Variants in ARHGAP39 observed in about 807,000 individuals in gnomAD.
ARHGAP39 encodes the protein Rho GTPase activating protein 39, also known as rho GTPase-activating protein 39.
Under a neutral mutation model 106.9 loss-of-function variants are expected in ARHGAP39, and 44 were observed. The ratio of observed to expected loss-of-function variants is 0.41; its 90% CI spans 0.32 to 0.53. The LOEUF (loss-of-function observed/expected upper bound fraction) is 0.53, where lower values mean the gene tolerates loss of function less well. Ranked by LOEUF, ARHGAP39 falls within the 20% of genes least tolerant of loss-of-function variation. ARHGAP39 has a pLI of 0.21. For missense variants in ARHGAP39, 1,496 were observed against 1,577.3 expected (o/e 0.95, Z 0.87); for synonymous variants, 768 against 693.2 (o/e 1.11, Z -1.69).
At chr8:144,666,442 C>T (rs2129706685) in intron 1 of ARHGAP39, among the ~76,000 whole-genome samples, 1 of 152,156 alleles carries the variant, frequency 6.6e-6, no homozygotes, top group Non-Finnish European at 1.5e-5. Flanking sequence ...TTGGCTGTGT[C>T]CCCACCTAAA....
At chr8:144,619,928 G>C (rs1470809145) in intron 1 of ARHGAP39, among the ~76,000 whole-genome samples, 1 of 149,846 alleles carries the variant, frequency 6.7e-6, no homozygotes, top group African/African-American at 2.5e-5. Flanking sequence ...GTGTGCGTGT[G>C]AGCCTGTGTC....
chr8:144,602,246 TGTG>T (rs1295444258), intron 2 of ARHGAP39, among the ~76,000 whole-genome samples: 8 of 106,960 alleles, frequency 7.5e-5, no homozygotes, highest in African/African-American at 2.6e-4. Flanking sequence ...TGCGTGGAGG[TGTG>T]TGTGTGAGCT....
In ARHGAP39 at chr8:144,555,579, C is replaced by T. The variant is rs758673314; in HGVS notation, c.577G>A (p.Gly193Ser). Residue 193 changes from glycine to serine, a missense_variant, in exon 4 of 12, where the codon GGC becomes AGC. Physicochemically the swap from Gly to Ser is moderately conservative, Grantham distance 56. Coordinates refer to ENST00000377307, the MANE Select transcript of ARHGAP39 (RefSeq NM_025251.3). ...YEIYRDYSADGQLLHYRTSSL... is the reference protein window; with the variant it reads ...YEIYRDYSADSQLLHYRTSSL... ...TTCTACCTGTAGTGAAGAAGCTGGC[C>T]GTCCGCACTGTAATCCCGGTAAATC... 18 of 1,613,898 alleles carry T rather than the reference C, an allele frequency of 1.1e-5. No homozygotes were observed. The highest frequency in any genetic ancestry group is 6.6e-5 in the South Asian group (6 of 91,086).
intron 4 of ARHGAP39, among the ~76,000 whole-genome samples, chr8:144,551,500 C>T (rs1012146763): frequency 6.6e-6 from 1 of 152,148 alleles, no homozygotes; most frequent in African/African-American, 2.4e-5. Context: ...GGGGAAGCCC[C>T]GAGAGGCCCA....
At chr8:144,557,794 G>A (rs1818001544) in intron 3 of ARHGAP39, among the ~76,000 whole-genome samples, 1 of 152,274 alleles carries the variant, frequency 6.6e-6, no homozygotes, top group African/African-American at 2.4e-5. Flanking sequence ...AGTGGCAAAA[G>A]GCTGAAAGCA....
At chr8:144,628,110 T>C (rs553669347) in intron 1 of ARHGAP39, among the ~76,000 whole-genome samples, 5 of 152,278 alleles carry the variant, frequency 3.3e-5, no homozygotes, top group South Asian at 4.1e-4. Flanking sequence ...TCAGGGTATT[T>C]TGACACAAAC....
At chr8:144,677,010 C>T (rs1194994480) in intron 1 of ARHGAP39, among the ~76,000 whole-genome samples, 3 of 152,240 alleles carry the variant, frequency 2.0e-5, no homozygotes, top group Non-Finnish European at 2.9e-5. Flanking sequence ...CCTCATGATC[C>T]GCCCGCCTGG....
intron 1 of ARHGAP39, among the ~76,000 whole-genome samples, chr8:144,666,103 T>G (rs2129705395): frequency 6.6e-6 from 1 of 152,296 alleles, no homozygotes; most frequent in Middle Eastern, 3.4e-3. Context: ...GGAGATCACT[T>G]TGAGCTTTAA....
rs562914508 is a variant in ARHGAP39 at position 144,540,675 on chromosome 8, C to CT, written c.2522-2863dup. Among the ~76,000 whole-genome samples the CT allele has an allele frequency of 5.3e-5, 8 of 152,148 alleles. No homozygotes were observed. In the East Asian group the frequency reaches 1.4e-3, roughly 26 times the overall value. On this transcript the variant is annotated intron_variant, in intron 6 of 11. Coordinates refer to ENST00000377307, the MANE Select transcript of ARHGAP39 (RefSeq NM_025251.3). ...AAAAATTAGCTGGGCTTGGTAGTGC[C>CT]TGTGGCCCCAGCTACTCGGGAGGCT...
chr8:144,607,150 G>A (rs1820322232), intron 1 of ARHGAP39, among the ~76,000 whole-genome samples: 1 of 150,584 alleles, frequency 6.6e-6, no homozygotes, highest in South Asian at 2.1e-4. Context: ...GTGGAGCGTG[G>A]CTATGGTCCC....
chr8:144,652,416 C>T (rs1821596818), intron 1 of ARHGAP39, among the ~76,000 whole-genome samples: 1 of 152,066 alleles, frequency 6.6e-6, no homozygotes, highest in Non-Finnish European at 1.5e-5. Flanking sequence ...TGGGTATACA[C>T]CCAGAGAAAT....
At chr8:144,622,685 G>C (rs541852063) in intron 1 of ARHGAP39, among the ~76,000 whole-genome samples, 8 of 152,316 alleles carry the variant, frequency 5.3e-5, no homozygotes, top group Non-Finnish European at 1.0e-4. Context: ...TTACTACCAG[G>C]TAAGATATAT....
At chr8:144,533,011 A>C in intron 9 of ARHGAP39, 115 bp downstream of exon 9, 1 of 1,259,980 alleles carries the variant, frequency 7.9e-7, no homozygotes, top group African/African-American at 1.5e-5. Context: ...GCTCTCAGGT[A>C]TGGGTGCGGA....
Position 144,641,326 on chromosome 8 carries a change from G to A in ARHGAP39, c.-81-35631C>T. ...TATGGAATGAAAATTAACTCTTTAT[G>A]TTGTATAACTGGCTGCTACAATCTG... On this transcript the variant is annotated intron_variant, in intron 1 of 11. Transcript: ENST00000377307. This position sits in a 1 kb window ranked among gnomAD's most constrained non-coding sequence, Gnocchi z 5.2. Among the ~76,000 whole-genome samples, 1 of 152,110 alleles carries A rather than the reference G, an allele frequency of 6.6e-6. No individual in the cohort carries two copies. The highest frequency in any genetic ancestry group is 1.9e-4 in the East Asian group (1 of 5,186).
chr8:144,673,993 A>G (rs1247956800), intron 1 of ARHGAP39, among the ~76,000 whole-genome samples: 19 of 152,182 alleles, frequency 1.2e-4, no homozygotes, highest in Admixed American at 1.2e-3. Flanking sequence ...TGGCATCCAG[A>G]AGCTTGGAGA....
intron 10 of ARHGAP39, 132 bp from the exon 11 acceptor site, chr8:144,531,003 G>A (rs1349955242): frequency 6.6e-6 from 8 of 1,217,196 alleles, no homozygotes; most frequent in East Asian, 2.6e-5. Context: ...TCTGGACAGG[G>A]CCCATCTGGC....
At chr8:144,541,680 C>G (rs912033930) in intron 6 of ARHGAP39, among the ~76,000 whole-genome samples, 2 of 152,202 alleles carry the variant, frequency 1.3e-5, no homozygotes, top group African/African-American at 4.8e-5. Flanking sequence ...CCATGCGCGT[C>G]TATCAACATT....
chr8:144,566,738 C>A lies in ARHGAP39; in HGVS notation c.513-11095G>T, dbSNP rs11779588. Among the ~76,000 whole-genome samples the A allele has an allele frequency of 4.3e-3, 649 of 151,974 alleles. 1 individual carries two copies. Among genetic ancestry groups the A allele is most frequent in the Non-Finnish European group, 7.2e-3 (489 of 67,950 alleles). The stretch of plus-strand genomic sequence containing the variant: ...GGCATGGTGGTGTGCGCCTGTAATC[C>A]CAGATACTTGGGAGACTGGGGCAGG... On this transcript the variant is annotated intron_variant, in intron 3 of 11. Coordinates refer to ENST00000377307, the MANE Select transcript of ARHGAP39 (RefSeq NM_025251.3).
At position 144,536,217 on chromosome 8, in the gene ARHGAP39, C is replaced by T. The variant is rs537720216; in HGVS notation, c.2614+1504G>A. ...CGGCTGTAGGCAAGCCCAGGAGGGA[C>T]GGCTGCCCACAGAGGCACCAACAGC... On this transcript the variant is annotated intron_variant, in intron 7 of 11. Coordinates refer to ENST00000377307, the MANE Select transcript of ARHGAP39 (RefSeq NM_025251.3). Among the ~76,000 whole-genome samples the T allele has an allele frequency of 1.9e-4, 29 of 152,288 alleles. No homozygotes were observed. The South Asian group carries it at 3.1e-3, about 16-fold the overall frequency.
Sources: gnomAD v4.1 joint callset for allele counts (sites outside exome capture counted in the v4.1 genomes callset) on GRCh38, gnomAD v4.1.1 for gene constraint, Gnocchi (gnomAD v3.1) non-coding constraint, MANE v1.5 for transcripts, NCBI Gene and HGNC (gene_info 2026-07-23, HGNC 2026-07-21) for gene names.